Variants in CNTN6 observed in about 807,000 individuals in gnomAD.
The protein encoded by CNTN6 is contactin-6.
A neutral mutation model predicts 122.8 loss-of-function variants in CNTN6; 137 were observed. That is an observed-to-expected ratio of 1.12 (90% CI 0.97 to 1.29). The LOEUF (loss-of-function observed/expected upper bound fraction) is 1.29. Ranked by LOEUF, CNTN6 falls within the 50% of genes most tolerant of loss-of-function variation. The probability of loss-of-function intolerance (pLI) is 0.00; values close to 1 mark genes in which losing one functional copy is unlikely to be tolerated. For missense variants in CNTN6, 1,634 were observed against 1,223.4 expected (o/e 1.34, Z -5.01); for synonymous variants, 570 against 426.0 (o/e 1.34, Z -4.16).
At chr3:1,311,788 A>C (rs1030726428) in intron 7 of CNTN6, among the ~76,000 whole-genome samples, 1 of 151,680 alleles carries the variant, frequency 6.6e-6, no homozygotes, top group Non-Finnish European at 1.5e-5. Context: ...TTTGTTTGTA[A>C]ATTTTTTTAA....
At chr3:1,361,424 G>A (rs1331880880) in intron 12 of CNTN6, among the ~76,000 whole-genome samples, 2 of 152,024 alleles carry the variant, frequency 1.3e-5, no homozygotes, top group Non-Finnish European at 2.9e-5. Flanking sequence ...CATTCCTACT[G>A]ATGTATAATT....
At chr3:1,300,975 G>A (rs569470698) in intron 7 of CNTN6, among the ~76,000 whole-genome samples, 24 of 145,454 alleles carry the variant, frequency 1.7e-4, no homozygotes, top group African/African-American at 5.1e-4. Context: ...AATAATCAAC[G>A]TATTATTAAA....
chr3:1,256,108 T>A (rs9846557), intron 4 of CNTN6, among the ~76,000 whole-genome samples: 11,544 of 152,180 alleles, frequency 0.076, 902 homozygotes, highest in African/African-American at 0.2. Flanking sequence ...TGGGTTCAAA[T>A]GATCCTTCTG....
intron 2 of CNTN6, among the ~76,000 whole-genome samples, chr3:1,186,593 A>G (rs2093630850): frequency 6.6e-6 from 1 of 152,082 alleles, no homozygotes; most frequent in Admixed American, 6.6e-5. Context: ...GGGCTCTTTC[A>G]TCTTTTATTT....
At position 1,383,195 on chromosome 3, in the gene CNTN6, T is replaced by C; in HGVS notation, c.2401+19T>C. On this transcript the variant is annotated intron_variant, in intron 18 of 22. Transcript: ENST00000446702. The stretch of plus-strand genomic sequence containing the variant: ...GAAGATGGTAAGTTGTCCTCAACTC[T>C]GGTTTTCTTTGAGACTCTATGCATA... The C allele has an allele frequency of 6.2e-7, 1 of 1,604,864 alleles. No individual in the cohort carries two copies. Among genetic ancestry groups the C allele is most frequent in the Non-Finnish European group, 8.5e-7 (1 of 1,171,778 alleles).
At position 1,383,020 on chromosome 3, in the gene CNTN6, T is replaced by G. The variant is rs1396310277; in HGVS notation, c.2245T>G (p.Ser749Ala). ...MFRPVGSTTW[S>A]KEKVSSVESS... ...CCGGCCAGTGGGCTCGACAACCTGG[T>G]CCAAGGAGAAAGTGTCATCTGTGGA... Residue 749 changes from serine (S) to alanine (A), a missense_variant, in exon 18 of 23, where the codon TCC (serine) becomes GCC (alanine). Ser to Ala is a moderately conservative substitution (Grantham distance 99). Coordinates refer to ENST00000446702, the MANE Select transcript of CNTN6 (RefSeq NM_001289080.2). 11 of 1,614,094 alleles carry G rather than the reference T, an allele frequency of 6.8e-6. No homozygotes were observed. The highest frequency in any genetic ancestry group is 9.3e-6 in the Non-Finnish European group (11 of 1,179,968).
intron 11 of CNTN6, among the ~76,000 whole-genome samples, chr3:1,335,099 T>A (rs888336673): frequency 6.6e-6 from 1 of 152,154 alleles, no homozygotes; most frequent in Non-Finnish European, 1.5e-5. Context: ...AAGTCCCAAC[T>A]CTATTTCTTA....
intron 11 of CNTN6, among the ~76,000 whole-genome samples, chr3:1,332,052 C>A (rs1702366209): frequency 6.6e-6 from 1 of 151,900 alleles, no homozygotes; most frequent in Non-Finnish European, 1.5e-5. Context: ...ATACATTATT[C>A]TTTCATTCTA....
intron 4 of CNTN6, among the ~76,000 whole-genome samples, chr3:1,262,741 C>G (rs2094866882): frequency 6.6e-6 from 1 of 151,938 alleles, no homozygotes; most frequent in South Asian, 2.1e-4. Flanking sequence ...AGTTCAGTGA[C>G]CTTTTGGCAA....
intron 11 of CNTN6, among the ~76,000 whole-genome samples, chr3:1,332,967 A>G (rs1702532939): frequency 6.6e-6 from 1 of 152,072 alleles, no homozygotes; most frequent in Admixed American, 6.6e-5. Flanking sequence ...TAAGAAGACA[A>G]TATTAACGAA....
intron 4 of CNTN6, among the ~76,000 whole-genome samples, chr3:1,276,433 A>G (rs1692375618): frequency 6.6e-6 from 1 of 152,164 alleles, no homozygotes; most frequent in South Asian, 2.1e-4. Flanking sequence ...GCGCTGCTGT[A>G]TTATTAGATT....
At chr3:1,375,699 A>G (rs1277041539) in intron 16 of CNTN6, among the ~76,000 whole-genome samples, 1 of 152,122 alleles carries the variant, frequency 6.6e-6, no homozygotes, top group Non-Finnish European at 1.5e-5. Flanking sequence ...GATCAAAGGC[A>G]TTGGAAGTCT....
rs78054425 is a variant in CNTN6, at chr3:1,253,296, T to C, written c.359-25117T>C. Among the ~76,000 whole-genome samples the C allele has an allele frequency of 6.0e-3, 915 of 152,342 alleles. 6 individuals are homozygous for C. The highest frequency in any genetic ancestry group is 0.02 in the African/African-American group (824 of 41,594). On this transcript the variant is annotated intron_variant, in intron 4 of 22. Coordinates refer to ENST00000446702, the MANE Select transcript of CNTN6 (RefSeq NM_001289080.2). Reference sequence around the variant, plus strand: ...AAACGCATACATTTTTATTATTCATTCTTTTATCTCACTAGTCTTGTTCTG... The same window carrying C: ...AAACGCATACATTTTTATTATTCATCCTTTTATCTCACTAGTCTTGTTCTG...
intron 4 of CNTN6, among the ~76,000 whole-genome samples, chr3:1,244,045 A>C: frequency 6.6e-6 from 1 of 152,058 alleles, no homozygotes; most frequent in Non-Finnish European, 1.5e-5. Context: ...TTTCGACAAA[A>C]ATTATTTAGG....
At chr3:1,288,708 A>G (rs1372621311) in intron 5 of CNTN6, among the ~76,000 whole-genome samples, 2 of 152,210 alleles carry the variant, frequency 1.3e-5, no homozygotes, top group Non-Finnish European at 2.9e-5. Context: ...TTCACATGAG[A>G]TATTTTTCCT....
chr3:1,158,580 T>A (rs1326495955), intron 2 of CNTN6, among the ~76,000 whole-genome samples: 1 of 151,540 alleles, frequency 6.6e-6, no homozygotes, highest in Non-Finnish European at 1.5e-5. Context: ...AGACTCAATT[T>A]TTTTTGGCAG....
chr3:1,094,340 C>G (rs193173193), intron 1 of CNTN6, among the ~76,000 whole-genome samples: 1 of 152,004 alleles, frequency 6.6e-6, no homozygotes, highest in African/African-American at 2.4e-5. Context: ...AAAATACTTA[C>G]ACAATTTGTG....
At chr3:1,380,782 G>A (rs963598068) in intron 17 of CNTN6, among the ~76,000 whole-genome samples, 4 of 152,148 alleles carry the variant, frequency 2.6e-5, no homozygotes, top group African/African-American at 9.7e-5. Context: ...GTGGCTAGAA[G>A]TACATAGTTT....
chr3:1,243,021 C>T lies in CNTN6; in HGVS notation c.358+15028C>T, dbSNP rs575090411. On this transcript the variant is annotated intron_variant, in intron 4 of 22. Coordinates refer to ENST00000446702, the MANE Select transcript of CNTN6 (RefSeq NM_001289080.2). Reference sequence around the variant, plus strand: ...ACTGTGAGAGTTACCCAAAGCTCGGCGTCCGTGATGGTCTACGGGGCTTCC... The same window carrying T: ...ACTGTGAGAGTTACCCAAAGCTCGGTGTCCGTGATGGTCTACGGGGCTTCC... Among the ~76,000 whole-genome samples, 95 of 152,144 alleles carry T rather than the reference C, an allele frequency of 6.2e-4. 2 individuals are homozygous for T. Among genetic ancestry groups the T allele is most frequent in the Admixed American group, 4.6e-4 (7 of 15,250 alleles).
Sources: allele counts gnomAD v4.1 joint callset (sites outside exome capture counted in the v4.1 genomes callset), GRCh38; gene constraint gnomAD v4.1.1; transcripts MANE v1.5; gene names NCBI Gene and HGNC (gene_info 2026-07-23, HGNC 2026-07-21).